The following ZNF593OS variants were observed in gnomAD, a reference collection of about 807,000 sequenced individuals.
The protein encoded by ZNF593OS is ZNF593 opposite strand, also known as transmembrane protein ZNF593OS.
At chr1:26,170,334 T>C (rs2232653), downstream of ZNF593OS, 35 of 1,541,030 alleles carry the variant, frequency 2.3e-5, no homozygotes, top group East Asian at 1.4e-4. Flanking sequence ...GATCCTGGCG[T>C]CAGGGACAAG....
downstream of ZNF593OS, chr1:26,170,038 A>G (rs749981482): frequency 3.2e-6 from 5 of 1,573,514 alleles, no homozygotes; most frequent in Non-Finnish European, 4.3e-6. Flanking sequence ...AGCCCGGCAG[A>G]TGAAGGCGAA....
rs2124498288 is a variant in ZNF593OS, at chr1:26,171,084, C to G, written c.*105G>C. 1 of 443,258 alleles carries G rather than the reference C, an allele frequency of 2.3e-6. No homozygotes were observed. The highest frequency in any genetic ancestry group is 3.3e-5 in the East Asian group (1 of 30,690). The allele number at this position is 443,258 out of a possible 1,614,324, so 27.5% of individuals were successfully genotyped here. ...CGGGAGTGGGATCAGATTACTCTGT[C>G]CTGCTTCTGACAGAGACTGATCCCC... On this transcript the variant is annotated 3_prime_UTR_variant, in exon 2 of 2. Coordinates refer to ENST00000648649, the Ensembl canonical transcript of ZNF593OS. The surrounding 1 kb of genome is among the most constrained non-coding windows in gnomAD (Gnocchi z 5.5).
In ZNF593OS at chr1:26,171,455, A is replaced by G. The variant is rs1012075018; in HGVS notation, c.46-120T>C. On this transcript the variant is annotated intron_variant, in intron 1 of 1. Transcript: ENST00000648649. This position sits in a 1 kb window ranked among gnomAD's most constrained non-coding sequence, Gnocchi z 5.5. Reference sequence around the variant, plus strand: ...GAGACATGGACGCCGGTCCTGCCCCAGGGAGATTCCACCCCAATCCCTTTC... The same window carrying G: ...GAGACATGGACGCCGGTCCTGCCCCGGGGAGATTCCACCCCAATCCCTTTC... The G allele has an allele frequency of 2.5e-5, 10 of 398,776 alleles. No individual in the cohort carries two copies. The highest frequency in any genetic ancestry group is 6.3e-4 in the Middle Eastern group (1 of 1,588). The allele number at this position is 398,776 out of a possible 1,614,324, so 24.7% of individuals were successfully genotyped here.
downstream of ZNF593OS, chr1:26,170,083 G>A (rs750736560): frequency 6.4e-5 from 101 of 1,572,824 alleles, no homozygotes; most frequent in Non-Finnish European, 8.3e-5. Context: ...GATTCACCGC[G>A]AGCTGCGGCC....
chr1:26,170,505 G>A, exon 2 of ZNF593OS: 2 of 1,614,194 alleles, frequency 1.2e-6, no homozygotes, highest in Non-Finnish European at 1.7e-6. Flanking sequence ...GGAGAGGATT[G>A]ATGGATGGGT....
chr1:26,169,956 C>T (rs1163297650), downstream of ZNF593OS: 2 of 1,522,740 alleles, frequency 1.3e-6, no homozygotes, highest in African/African-American at 1.4e-5. Flanking sequence ...TGCTCCTGGC[C>T]CCTTGGCCGG....
downstream of ZNF593OS, chr1:26,169,634 T>G: frequency 3.0e-6 from 1 of 335,792 alleles, no homozygotes; most frequent in Non-Finnish European, 5.4e-6. Flanking sequence ...ATGACAGGAG[T>G]ACAGGTTGGC....
rs1290443186 is a variant in ZNF593OS, at chr1:26,171,180, T to C, written c.*9A>G. ...CCCCCAGCATCCAAGTGAGAGTCTC[T>C]CTTCTTCGTTACGGGGCCCGTGGCA... On this transcript the variant is annotated 3_prime_UTR_variant, in exon 2 of 2. Coordinates refer to ENST00000648649, the Ensembl canonical transcript of ZNF593OS. The surrounding 1 kb of genome is among the most constrained non-coding windows in gnomAD (Gnocchi z 5.5). 4.9e-6 allele frequency: 2 copies of C among 406,592 alleles called. No individual in the cohort carries two copies. Among genetic ancestry groups the C allele is most frequent in the African/African-American group, 4.1e-5 (2 of 48,602 alleles). The allele number at this position is 406,592 out of a possible 1,614,324, so 25.2% of individuals were successfully genotyped here. A position where few individuals can be genotyped will look rare whatever the true frequency, so the allele number is the denominator to read the frequency against.
Position 26,171,519 on chromosome 1 carries a change from G to T in ZNF593OS, c.45+98C>A. The T allele has an allele frequency of 2.5e-6, 1 of 398,640 alleles. No individual in the cohort carries two copies. The highest frequency in any genetic ancestry group is 1.3e-4 in the South Asian group (1 of 7,780). The allele number at this position is 398,640 out of a possible 1,614,324, so 24.7% of individuals were successfully genotyped here. On this transcript the variant is annotated intron_variant, in intron 1 of 1. Coordinates refer to ENST00000648649, the Ensembl canonical transcript of ZNF593OS. The surrounding 1 kb of genome is among the most constrained non-coding windows in gnomAD (Gnocchi z 5.5). The stretch of plus-strand genomic sequence containing the variant: ...TCTGGGCCTGCCTGCTCAGGCGGCA[G>T]GGAACGTGACAGCCTGGCTGTTGGG...
Position 26,171,006 on chromosome 1 carries a change from C to T in ZNF593OS, c.*183G>A. 2 of 547,048 alleles carry T rather than the reference C, an allele frequency of 3.7e-6. No individual in the cohort carries two copies. Among genetic ancestry groups the T allele is most frequent in the Non-Finnish European group, 6.4e-6 (2 of 310,094 alleles). 33.9% of individuals were successfully genotyped at this position (547,048 alleles called of 1,614,324 possible). A position where few individuals can be genotyped will look rare whatever the true frequency, so the allele number is the denominator to read the frequency against. On this transcript the variant is annotated 3_prime_UTR_variant, in exon 2 of 2. Coordinates refer to ENST00000648649, the Ensembl canonical transcript of ZNF593OS. This position sits in a 1 kb window ranked among gnomAD's most constrained non-coding sequence, Gnocchi z 5.5. Reference sequence around the variant, plus strand: ...TCTATCTCTGCCTTCCCTCTGAGGTCCTAGCATCTGAACTGGAGCACCCAG... The same window carrying T: ...TCTATCTCTGCCTTCCCTCTGAGGTTCTAGCATCTGAACTGGAGCACCCAG...
exon 2 of ZNF593OS, chr1:26,170,717 C>G (rs1288752665): frequency 2.5e-6 from 4 of 1,603,340 alleles, no homozygotes; most frequent in Non-Finnish European, 3.4e-6. Flanking sequence ...CTCTACCTGA[C>G]ATGGCCTGAA....
downstream of ZNF593OS, chr1:26,169,886 C>G (rs1020517267): frequency 2.3e-6 from 3 of 1,304,860 alleles, no homozygotes; most frequent in South Asian, 4.8e-5. Context: ...TGCCTAGCCC[C>G]CCGGCGTGGC....
rs778481744 is a variant in ZNF593OS at position 26,171,472 on chromosome 1, A to G, written c.46-137T>C. 9.8e-5 allele frequency: 39 copies of G among 398,496 alleles called. No homozygotes were observed. Among genetic ancestry groups the G allele is most frequent in the Non-Finnish European group, 1.6e-4 (37 of 226,236 alleles). 24.7% of individuals were successfully genotyped at this position (398,496 alleles called of 1,614,324 possible). ...CCTGCCCCAGGGAGATTCCACCCCAATCCCTTTCGCCTCACTGCCCATCTG... is the reference window on the plus strand; with the variant it reads ...CCTGCCCCAGGGAGATTCCACCCCAGTCCCTTTCGCCTCACTGCCCATCTG... On this transcript the variant is annotated intron_variant, in intron 1 of 1. Coordinates refer to ENST00000648649, the Ensembl canonical transcript of ZNF593OS. The surrounding 1 kb of genome is among the most constrained non-coding windows in gnomAD (Gnocchi z 5.5).
At chr1:26,169,882 GCC>G, downstream of ZNF593OS, 1 of 1,273,702 alleles carries the variant, frequency 7.9e-7, no homozygotes, top group African/African-American at 1.6e-5. Flanking sequence ...AGCCTGCCTA[GCC>G]CCCCGGCGTG....
downstream of ZNF593OS, chr1:26,169,735 C>T: frequency 2.0e-6 from 1 of 509,574 alleles, no homozygotes; most frequent in Non-Finnish European, 3.4e-6. Context: ...GCCTCCCCAG[C>T]GAGGGCCCGC....
exon 2 of ZNF593OS, chr1:26,170,911 AC>A: frequency 2.9e-6 from 2 of 695,198 alleles, no homozygotes; most frequent in Non-Finnish European, 4.7e-6. Flanking sequence ...GCTGTCTCAA[AC>A]TCCTGCCCTG....
downstream of ZNF593OS, chr1:26,170,051 G>A: frequency 6.4e-7 from 1 of 1,572,860 alleles, no homozygotes; most frequent in Non-Finnish European, 8.6e-7. Context: ...AAGGCGAAGC[G>A]GCGGCGGCCG....
chr1:26,169,850 G>A, downstream of ZNF593OS: 2 of 963,056 alleles, frequency 2.1e-6, no homozygotes, highest in Non-Finnish European at 2.9e-6. Context: ...CGAGAGTGAC[G>A]TCATCAGAGG....
downstream of ZNF593OS, chr1:26,170,458 C>T (rs1201745662): frequency 1.2e-6 from 2 of 1,614,170 alleles, no homozygotes; most frequent in Non-Finnish European, 1.7e-6. Flanking sequence ...GACCCACTTC[C>T]GATCCAAAGA....
Sources: gnomAD v4.1 joint callset for allele counts on GRCh38, gnomAD v4.1.1 for gene constraint, Gnocchi (gnomAD v3.1) non-coding constraint, MANE v1.5 for transcripts, NCBI Gene and HGNC (gene_info 2026-07-23, HGNC 2026-07-21) for gene names.